GPR158: variants seen among roughly 807,000 people sequenced by gnomAD.
GPR158 encodes the protein G protein-coupled receptor 158, also known as metabotropic glycine receptor.
In GPR158, 30 loss-of-function variants were observed where a neutral mutation model predicts 78.2. The ratio of observed to expected loss-of-function variants is 0.38; its 90% CI spans 0.29 to 0.52. The LOEUF (loss-of-function observed/expected upper bound fraction) is 0.52, where lower values mean the gene tolerates loss of function less well. GPR158 is among the 20% of genes least tolerant of loss of function. The pLI is 0.83. For synonymous variants in GPR158, 581 were observed against 591.1 expected, an observed-to-expected ratio of 0.98 and a Z score of 0.25; for missense variants, 1,463 against 1,523.5, an observed-to-expected ratio of 0.96 and a Z score of 0.66.
intron 2 of GPR158, among the ~76,000 whole-genome samples, chr10:25,357,189 A>C (rs1051521366): frequency 6.6e-6 from 1 of 152,136 alleles, no homozygotes; most frequent in African/African-American, 2.4e-5. Context: ...GGCATTCAAC[A>C]GGTGACTTGA....
At chr10:25,591,808 A>G (rs926870736) in intron 8 of GPR158, among the ~76,000 whole-genome samples, 1 of 152,124 alleles carries the variant, frequency 6.6e-6, no homozygotes, top group African/African-American at 2.4e-5. Flanking sequence ...CACAGCATAT[A>G]TTAGCTACTC....
At chr10:25,358,686 C>T (rs1052624591) in intron 2 of GPR158, among the ~76,000 whole-genome samples, 1 of 152,026 alleles carries the variant, frequency 6.6e-6, no homozygotes, top group Non-Finnish European at 1.5e-5. Context: ...TTGTAAATTG[C>T]CCAGTCTCAG....
intron 2 of GPR158, among the ~76,000 whole-genome samples, chr10:25,235,154 TTTCTC>T (rs1191059670): frequency 6.6e-6 from 1 of 152,206 alleles, no homozygotes; most frequent in African/African-American, 2.4e-5. Context: ...TCCTACATCT[TTTCTC>T]TTTGGTGAGA....
chr10:25,580,719 T>C (rs1240307246), intron 7 of GPR158, among the ~76,000 whole-genome samples: 1 of 152,092 alleles, frequency 6.6e-6, no homozygotes, highest in East Asian at 1.9e-4. Context: ...ATTTTAAACA[T>C]ACATTTTTAT....
intron 5 of GPR158, among the ~76,000 whole-genome samples, chr10:25,492,366 T>C (rs1043509867): frequency 6.6e-6 from 1 of 151,774 alleles, no homozygotes. Flanking sequence ...TTACAGACTT[T>C]CCCCCACCAT....
At chr10:25,428,643 G>A (rs1404326287) in intron 4 of GPR158, among the ~76,000 whole-genome samples, 1 of 152,034 alleles carries the variant, frequency 6.6e-6, no homozygotes, top group East Asian at 1.9e-4. Context: ...ATGTGTATTT[G>A]AAGACAGATT....
At chr10:25,593,457 G>A (rs1459309760) in intron 8 of GPR158, among the ~76,000 whole-genome samples, 2 of 152,016 alleles carry the variant, frequency 1.3e-5, no homozygotes, top group African/African-American at 4.8e-5. Flanking sequence ...CTAATTTCAA[G>A]TGGCAAAATG....
intron 4 of GPR158, among the ~76,000 whole-genome samples, chr10:25,438,343 G>A (rs1835025453): frequency 2.0e-5 from 3 of 152,160 alleles, no homozygotes; most frequent in Admixed American, 6.5e-5. Context: ...GGAAGAAGAG[G>A]CAAAAAACTG....
chr10:25,447,529 C>T (rs1008790129), intron 4 of GPR158, among the ~76,000 whole-genome samples: 3 of 152,142 alleles, frequency 2.0e-5, no homozygotes, highest in Non-Finnish European at 4.4e-5. Flanking sequence ...TTTCTTTCAT[C>T]TTTGCAAAGT....
chr10:25,356,981 G>T (rs903246420), intron 2 of GPR158, among the ~76,000 whole-genome samples: 2 of 152,062 alleles, frequency 1.3e-5, no homozygotes, highest in African/African-American at 4.8e-5. Context: ...TGCTAATAAT[G>T]ATATGAACAA....
chr10:25,267,041 T>G (rs1476338468), intron 2 of GPR158, among the ~76,000 whole-genome samples: 3 of 152,192 alleles, frequency 2.0e-5, no homozygotes, highest in African/African-American at 7.2e-5. Flanking sequence ...CTGAGTTTTG[T>G]CTTTCTGCCC....
At chr10:25,363,875 A>T (rs1214682049) in intron 2 of GPR158, among the ~76,000 whole-genome samples, 1 of 151,970 alleles carries the variant, frequency 6.6e-6, no homozygotes, top group East Asian at 1.9e-4. Context: ...ATTACATAAA[A>T]GTTGAACTAG....
At chr10:25,264,142 A>G (rs1421155626) in intron 2 of GPR158, among the ~76,000 whole-genome samples, 1 of 152,112 alleles carries the variant, frequency 6.6e-6, no homozygotes, top group Non-Finnish European at 1.5e-5. Context: ...TTAATGAGTC[A>G]CACCTTCTGC....
chr10:25,353,498 T>A (rs1052755032), intron 2 of GPR158, among the ~76,000 whole-genome samples: 5 of 151,134 alleles, frequency 3.3e-5, no homozygotes, highest in Non-Finnish European at 7.4e-5. Flanking sequence ...AAAAAAAAAA[T>A]TGGGATCAAA....
At chr10:25,521,007 A>G (rs903321600) in intron 5 of GPR158, among the ~76,000 whole-genome samples, 5 of 152,136 alleles carry the variant, frequency 3.3e-5, no homozygotes, top group African/African-American at 9.7e-5. Flanking sequence ...CTGTGCTAGC[A>G]ATCAGCGAGA....
Position 25,596,795 on chromosome 10 carries a change from G to A in GPR158, c.2145+6G>A, listed in dbSNP as rs368542153. On this transcript the variant is annotated splice_donor_region_variant and intron_variant, in intron 10 of 10. Transcript: ENST00000376351. ...TGGATCCAGAGGACATTCGGGTAAT[G>A]CCAGTACTCTATCTTTCTTCCTATT... The A allele has an allele frequency of 6.2e-7, 1 of 1,610,430 alleles. No individual in the cohort carries two copies. The highest frequency in any genetic ancestry group is 8.5e-7 in the Non-Finnish European group (1 of 1,177,566).
chr10:25,408,425 T>G (rs954697746), intron 3 of GPR158, among the ~76,000 whole-genome samples: 2 of 152,188 alleles, frequency 1.3e-5, no homozygotes, highest in African/African-American at 4.8e-5. Context: ...ATTTAATCCC[T>G]GTTCTTCCAT....
intron 2 of GPR158, among the ~76,000 whole-genome samples, chr10:25,340,748 C>T (rs1277170155): frequency 6.6e-6 from 1 of 151,954 alleles, no homozygotes; most frequent in Non-Finnish European, 1.5e-5. Flanking sequence ...TGAGAAATTA[C>T]AATCTATGTG....
At chr10:25,308,471 G>C (rs1854716015) in intron 2 of GPR158, among the ~76,000 whole-genome samples, 1 of 151,956 alleles carries the variant, frequency 6.6e-6, no homozygotes, top group Admixed American at 6.6e-5. Context: ...TTACTCTATT[G>C]CCTGTTCAGG....
Sources: allele counts gnomAD v4.1 joint callset (sites outside exome capture counted in the v4.1 genomes callset), GRCh38; gene constraint gnomAD v4.1.1; transcripts MANE v1.5; gene names NCBI Gene and HGNC (gene_info 2026-07-23, HGNC 2026-07-21).